Variants in NPAS4 observed in about 807,000 individuals in gnomAD.
NPAS4 encodes the protein neuronal PAS domain-containing protein 4.
A neutral mutation model predicts 64.0 loss-of-function variants in NPAS4; 10 were observed. The ratio of observed to expected loss-of-function variants is 0.16; its 90% CI spans 0.10 to 0.26. The LOEUF is 0.26. Among genes scored for constraint, NPAS4 ranks in the 10% least tolerant of loss-of-function variants. The probability of loss-of-function intolerance (pLI) is 1.00; values close to 1 mark genes in which losing one functional copy is unlikely to be tolerated. For missense variants in NPAS4, 886 were observed against 992.6 expected (o/e 0.89, Z 1.44); for synonymous variants, 441 against 411.7 (o/e 1.07, Z -0.86).
At position 66,421,161 on chromosome 11, in the gene NPAS4, A is replaced by G. The variant is rs774637125; in HGVS notation, c.-19A>G. 4 of 1,578,404 alleles carry G rather than the reference A, an allele frequency of 2.5e-6. No homozygotes were observed. In the South Asian group the frequency reaches 4.5e-5, roughly 18 times the overall value. ...GCAGGTGCTCGGGCACCCGAGCTGG[A>G]GCTCCGCAGCCGCCGGTCATGTACC... On this transcript the variant is annotated 5_prime_UTR_variant, in exon 1 of 8. Coordinates refer to ENST00000311034, the MANE Select transcript of NPAS4 (RefSeq NM_178864.4).
At position 66,424,910 on chromosome 11, in the gene NPAS4, C is replaced by G. The variant is rs1565242182; in HGVS notation, c.2020C>G (p.Leu674Val). Residue 674 changes from leucine to valine, a missense_variant, in exon 7 of 8, where the codon CTG becomes GTG. By Grantham distance (32) the Leu-to-Val change is conservative. Transcript: ENST00000311034. ...GGAGCCCCTGGACTCCAACCTGTCC[C>G]TGTCAGGGGCAGGCCCCCCTGTGCT... is the stretch of plus-strand genomic sequence containing the variant. ...GLEPLDSNLS[L>V]SGAGPPVLSL... 3.7e-6 allele frequency: 6 copies of G among 1,613,766 alleles called. No homozygotes were observed. The highest frequency in any genetic ancestry group is 5.1e-6 in the Non-Finnish European group (6 of 1,179,966).
chr11:66,414,724 A>G, the NPAS4 span, among the ~76,000 whole-genome samples: 2 of 152,244 alleles, frequency 1.3e-5, no homozygotes, highest in African/African-American at 4.8e-5. Flanking sequence ...TCACTGCACA[A>G]GCCAGCTCTG....
chr11:66,425,047 C>G lies in NPAS4; in HGVS notation c.2157C>G (p.Thr719=). The change falls in exon 7 of 8, where the codon ACC becomes ACG. Residue 719 remains threonine (T), a synonymous_variant. Transcript: ENST00000311034. Reference sequence around the variant, plus strand: ...AAGACATCTTCATGGATCTCTCTACCCCAGATCCCAGTGAGGAATGGGGCT... The same window carrying G: ...AAGACATCTTCATGGATCTCTCTACGCCAGATCCCAGTGAGGAATGGGGCT... ...PVEDIFMDLS[T]PDPSEEWGSG... 6.2e-7 allele frequency: 1 copy of G among 1,611,444 alleles called. No homozygotes were observed. Among genetic ancestry groups the G allele is most frequent in the Non-Finnish European group, 8.5e-7 (1 of 1,178,754 alleles).
Position 66,424,281 on chromosome 11 carries a change from C to T in NPAS4, c.1391C>T (p.Ala464Val). ...CAAGAACAGCTGACTCCAAGCACTG[C>T]GACCTTCTCTGATCAGTTGACGCCC... ...TLQEQLTPST[A>V]TFSDQLTPSS... The change falls in exon 7 of 8, where the codon GCG (alanine) becomes GTG (valine). Residue 464 changes from alanine (A) to valine (V), a missense_variant. Physicochemically the swap from Ala to Val is moderately conservative, Grantham distance 64. Around this residue, in one of 3 missense-constraint regions of NPAS4, gnomAD observed 820 missense variants for 855.5 expected, o/e 0.96. Coordinates refer to ENST00000311034, the MANE Select transcript of NPAS4 (RefSeq NM_178864.4). 1.9e-6 allele frequency: 3 copies of T among 1,614,144 alleles called. No homozygotes were observed. Among genetic ancestry groups the T allele is most frequent in the East Asian group, 2.2e-5 (1 of 44,872 alleles).
Position 66,422,373 on chromosome 11 carries a change from A to G in NPAS4, c.328-78A>G, listed in dbSNP as rs1289599745. On this transcript the variant is annotated intron_variant, in intron 2 of 7. Coordinates refer to ENST00000311034, the MANE Select transcript of NPAS4 (RefSeq NM_178864.4). ...GAATTACTATGGAGGGAGAGGTTAT[A>G]CCCTACAAGATACTGTAGATCAAAG... The G allele has an allele frequency of 3.4e-6, 5 of 1,468,714 alleles. No individual in the cohort carries two copies. In the Admixed American group the frequency reaches 6.7e-5, roughly 20 times the overall value. The allele number at this position is 1,468,714 out of a possible 1,614,324, so 91.0% of individuals were successfully genotyped here.
At chr11:66,422,629 C>G (rs1288432662) in intron 3 of NPAS4, 45 bp from the exon 4 acceptor site, 10 of 1,609,940 alleles carry the variant, frequency 6.2e-6, no homozygotes, top group Non-Finnish European at 8.5e-6. Context: ...CTGTCTCTCT[C>G]TCAGCCACTC....
At position 66,423,610 on chromosome 11, in the gene NPAS4, G is replaced by C; in HGVS notation, c.841G>C (p.Val281Leu). 6.2e-7 allele frequency: 1 copy of C among 1,614,172 alleles called. No homozygotes were observed. Among genetic ancestry groups the C allele is most frequent in the Admixed American group, 1.7e-5 (1 of 60,030 alleles). The change falls in exon 6 of 8, where the codon GTG (valine) becomes CTG (leucine). Residue 281 changes from valine to leucine, a missense_variant. Val to Leu is a conservative substitution (Grantham distance 32). Around this residue, in one of 3 missense-constraint regions of NPAS4, gnomAD observed 820 missense variants for 855.5 expected, o/e 0.96. Coordinates refer to ENST00000311034, the MANE Select transcript of NPAS4 (RefSeq NM_178864.4). The part of the protein sequence containing the change: ...AESGDIQAEM[V>L]VRLQAKTGGW... ...GAGTGGAGATATTCAGGCAGAGATG[G>C]TGGTGAGGCTACAGGCCAAGACTGG...
At chr11:66,421,463 T>A in intron 1 of NPAS4, 109 bp downstream of exon 1, 1 of 995,080 alleles carries the variant, frequency 1.0e-6, no homozygotes, top group East Asian at 2.5e-5. Flanking sequence ...GCTGGCGAGC[T>A]GGGGAGATTC....
chr11:66,416,913 A>G (rs1394068419), upstream of NPAS4: 1 of 151,918 alleles, frequency 6.6e-6, no homozygotes, highest in Admixed American at 6.6e-5. Flanking sequence ...CAGATTCCTC[A>G]CCCACCCTTC....
Position 66,423,658 on chromosome 11 carries a change from C to G in NPAS4, c.889C>G (p.Leu297Val), listed in dbSNP as rs772536827. Residue 297 changes from leucine to valine, a missense_variant, in exon 6 of 8, where the codon CTG (leucine) becomes GTG (valine). This residue lies in a region of NPAS4 where 820 missense variants were observed against 855.5 expected (regional missense o/e 0.96). Coordinates refer to ENST00000311034, the MANE Select transcript of NPAS4 (RefSeq NM_178864.4). ...KTGGWAWIYCLLYSEGPEGPI... is the reference protein window; with the variant it reads ...KTGGWAWIYCVLYSEGPEGPI... ...TGGAGGCTGGGCATGGATTTACTGC[C>G]TGTTATACTCAGAAGGTCCAGAGGG... is the stretch of plus-strand genomic sequence containing the variant. The G allele has an allele frequency of 6.2e-7, 1 of 1,614,150 alleles. No individual in the cohort carries two copies. Among genetic ancestry groups the G allele is most frequent in the South Asian group, 1.1e-5 (1 of 91,086 alleles).
Position 66,421,982 on chromosome 11 carries a change from C to CA in NPAS4, c.176-137dup, listed in dbSNP as rs1565240094. 3 of 712,476 alleles carry CA rather than the reference C, an allele frequency of 4.2e-6. No individual in the cohort carries two copies. In the African/African-American group the frequency reaches 5.3e-5, roughly 13 times the overall value. 44.1% of individuals were successfully genotyped at this position (712,476 alleles called of 1,614,324 possible). ...AGGTTCCCTGGCCAAGAGCTGCGGG[C>CA]AGCGGGTCAACAGGTGTTTGCAGAG... is the stretch of plus-strand genomic sequence containing the variant. On this transcript the variant is annotated intron_variant, in intron 1 of 7. Transcript: ENST00000311034.
chr11:66,413,708 C>G, the NPAS4 span, among the ~76,000 whole-genome samples: 1 of 152,224 alleles, frequency 6.6e-6, no homozygotes, highest in Non-Finnish European at 1.5e-5. Context: ...CAGCCTGGCC[C>G]AGTCAACACT....
In NPAS4 at chr11:66,423,710, T is replaced by C. The variant is rs1856791477; in HGVS notation, c.941T>C (p.Ile314Thr). Residue 314 changes from isoleucine to threonine, a missense_variant, in exon 6 of 8, where the codon ATC becomes ACC. By Grantham distance (89) the Ile-to-Thr change is moderately conservative. Coordinates refer to ENST00000311034, the MANE Select transcript of NPAS4 (RefSeq NM_178864.4). Reference sequence around the variant, plus strand: ...CCCATTACTGCCAATAACTACCCAATCAGGTAAGCCACAAGCCAGGGGACT... The same window carrying C: ...CCCATTACTGCCAATAACTACCCAACCAGGTAAGCCACAAGCCAGGGGACT... Reference protein sequence around the residue: ...EGPITANNYPISDMEAWSLRQ... With the variant: ...EGPITANNYPTSDMEAWSLRQ... 6.2e-7 allele frequency: 1 copy of C among 1,613,920 alleles called. No individual in the cohort carries two copies. Among genetic ancestry groups the C allele is most frequent in the Non-Finnish European group, 8.5e-7 (1 of 1,180,006 alleles).
chr11:66,411,396 C>G, the NPAS4 span, among the ~76,000 whole-genome samples: 8 of 152,176 alleles, frequency 5.3e-5, no homozygotes, highest in African/African-American at 1.9e-4. Flanking sequence ...GCCCAGCAGG[C>G]TAGTGGTAGA....
chr11:66,425,915 C>T, intron 7 of NPAS4, 46 bp from the exon 8 acceptor site: 3 of 1,455,976 alleles, frequency 2.1e-6, no homozygotes, highest in Non-Finnish European at 2.9e-6. Context: ...ATCCTCTGTG[C>T]TAATTGGTCT....
At chr11:66,415,796 C>G in the NPAS4 span, among the ~76,000 whole-genome samples, 1 of 152,136 alleles carries the variant, frequency 6.6e-6, no homozygotes, top group Admixed American at 6.5e-5. Flanking sequence ...TATCTCTGAG[C>G]CTTTGTTTCA....
upstream of NPAS4, among the ~76,000 whole-genome samples, chr11:66,419,545 G>T (rs763958047): frequency 2.0e-5 from 3 of 152,012 alleles, no homozygotes; most frequent in African/African-American, 7.3e-5. Context: ...GATTCCATGC[G>T]CACACAGCTA....
In NPAS4 at chr11:66,424,665, C is replaced by A. The variant is rs761385215; in HGVS notation, c.1775C>A (p.Ala592Asp). 1 of 1,613,780 alleles carries A rather than the reference C, an allele frequency of 6.2e-7. No individual in the cohort carries two copies. Among genetic ancestry groups the A allele is most frequent in the East Asian group, 2.2e-5 (1 of 44,868 alleles). Residue 592 changes from alanine (A) to aspartate (D), a missense_variant, in exon 7 of 8, where the codon GCC becomes GAC. Ala to Asp is a moderately radical substitution (Grantham distance 126). This residue lies in a region of NPAS4 where 820 missense variants were observed against 855.5 expected (regional missense o/e 0.96). Coordinates refer to ENST00000311034, the MANE Select transcript of NPAS4 (RefSeq NM_178864.4). ...GNGDCTLLAL[A>D]QLRGPLSVDV... ...GGGGACTGCACGCTCTTGGCCCTAGCCCAGCTCCGGGGCCCCCTCTCTGTG... is the reference window on the plus strand; with the variant it reads ...GGGGACTGCACGCTCTTGGCCCTAGACCAGCTCCGGGGCCCCCTCTCTGTG...
At chr11:66,409,223 C>T in the NPAS4 span, 1 of 127,482 alleles carries the variant, frequency 7.8e-6, no homozygotes, top group African/African-American at 3.0e-5. Flanking sequence ...GAGCCGCGAG[C>T]CCCGCGCCGG....
Sources: allele counts gnomAD v4.1 joint callset (sites outside exome capture counted in the v4.1 genomes callset), GRCh38; gene constraint gnomAD v4.1.1; regional missense constraint gnomAD v4.1.1; transcripts MANE v1.5; gene names NCBI Gene and HGNC (gene_info 2026-07-23, HGNC 2026-07-21).